FASN: variants seen among roughly 807,000 people sequenced by gnomAD.
FASN encodes the protein 3-hydroxyacyl-[acyl-carrier-protein] dehydratase.
FASN carries 50 observed loss-of-function variants against 250.0 expected under a neutral mutation model. The observed-to-expected ratio is 0.20, with a 90% confidence interval of 0.16 to 0.25. FASN has a LOEUF of 0.25. FASN is among the 10% of genes least tolerant of loss of function. The probability of loss-of-function intolerance (pLI) is 1.00; values close to 1 mark genes in which losing one functional copy is unlikely to be tolerated. For missense variants in FASN, 3,031 were observed against 3,498.5 expected, an observed-to-expected ratio of 0.87 and a Z score of 3.37; for synonymous variants, 1,909 against 1,584.0, an observed-to-expected ratio of 1.21 and a Z score of -4.87.
intron 11 of FASN, 65 bp downstream of exon 11, chr17:82,090,310 G>T: frequency 2.0e-6 from 3 of 1,477,100 alleles, no homozygotes; most frequent in Middle Eastern, 4.7e-4. Context: ...CTGCAGGTGA[G>T]GACCCCACAG....
chr17:82,080,383 A>G lies in FASN; in HGVS notation c.7034T>C (p.Leu2345Pro). ...CCTGGCTCTCACCTGGGTGTAGGCCAGTACGTAGGTGGGCGAGCCGTCGAA... is the reference window on the plus strand; with the variant it reads ...CCTGGCTCTCACCTGGGTGTAGGCCGGTACGTAGGTGGGCGAGCCGTCGAA... ...FLFDGSPTYV[L>P]AYTQSYRAKL... Residue 2345 changes from leucine (L) to proline (P), a missense_variant, in exon 40 of 43, where the codon CTG becomes CCG. Physicochemically the swap from Leu to Pro is moderately conservative, Grantham distance 98 (BLOSUM62 -3). Transcript: ENST00000306749. The G allele has an allele frequency of 3.1e-6, 5 of 1,603,980 alleles. No individual in the cohort carries two copies. Among genetic ancestry groups the G allele is most frequent in the Non-Finnish European group, 4.3e-6 (5 of 1,175,920 alleles).
chr17:82,093,570 C>A, intron 4 of FASN, 28 bp downstream of exon 4: 2 of 1,612,636 alleles, frequency 1.2e-6, no homozygotes, highest in Non-Finnish European at 1.7e-6. Flanking sequence ...AGGCCACCCA[C>A]CTCCGCAGGA....
rs537040289 is a variant in FASN, at chr17:82,080,562, C to T, written c.6855G>A (p.Leu2285=). Residue 2285 remains leucine, a synonymous_variant, in exon 40 of 43, where the codon CTG becomes CTA. Transcript: ENST00000306749. ...TGATGCAGTCGATGTAGTAGGCAGC[C>T]AGGCTGTGGATGCTGTCAAGGGGCG... ...RAAPLDSIHS[L]AAYYIDCIRQ... The T allele has an allele frequency of 6.5e-5, 102 of 1,559,130 alleles. No individual in the cohort carries two copies. The South Asian group carries it at 1.1e-3, about 16-fold the overall frequency.
chr17:82,091,158 C>G, intron 9 of FASN, 64 bp downstream of exon 9: 1 of 1,601,472 alleles, frequency 6.2e-7, no homozygotes, highest in Non-Finnish European at 8.5e-7. Context: ...AGGGGACCAC[C>G]AGCTCCAGTT....
Position 82,084,631 on chromosome 17 carries a change from C to A in FASN, c.4650G>T (p.Ser1550=), listed in dbSNP as rs779703690. The A allele has an allele frequency of 1.5e-5, 24 of 1,603,012 alleles. No individual in the cohort carries two copies. The highest frequency in any genetic ancestry group is 1.9e-5 in the Non-Finnish European group (22 of 1,175,638). The change falls in exon 27 of 43, where the codon TCG becomes TCT. Residue 1550 remains serine (S), a synonymous_variant. Coordinates refer to ENST00000306749, the MANE Select transcript of FASN (RefSeq NM_004104.5). ...DLSSIRWVCS[S]LRHAQPTCPG... ...GGCAGGTGGGCTGGGCATGGCGCAGCGAGGAGCAGACCCAGCGGATGGAGG... is the reference window on the plus strand; with the variant it reads ...GGCAGGTGGGCTGGGCATGGCGCAGAGAGGAGCAGACCCAGCGGATGGAGG...
At chr17:82,086,153 G>A (rs956874398) in intron 22 of FASN, 101 bp downstream of exon 22, 48 of 1,521,188 alleles carry the variant, frequency 3.2e-5, no homozygotes, top group Admixed American at 5.9e-5. Context: ...CCCACCCACC[G>A]CCCAGGGCCC....
At chr17:82,095,781 C>G (rs1246944376) in intron 2 of FASN, among the ~76,000 whole-genome samples, 1 of 152,214 alleles carries the variant, frequency 6.6e-6, no homozygotes, top group African/African-American at 2.4e-5. Context: ...TCGGCTCTAC[C>G]ATGCTGACTC....
chr17:82,083,688 A>AGAGGG, intron 30 of FASN, 49 bp from the exon 31 acceptor site: 1 of 1,604,594 alleles, frequency 6.2e-7, no homozygotes, highest in Middle Eastern at 1.7e-4. Context: ...AAGCCCAGCC[A>AGAGGG]CCACAGTCCA....
Position 82,082,926 on chromosome 17 carries a change from C to T in FASN, c.5755G>A (p.Gly1919Arg), listed in dbSNP as rs748930040. The change falls in exon 33 of 43, where the codon GGG becomes AGG. Residue 1919 changes from glycine (G) to arginine (R), a missense_variant. Physicochemically the swap from Gly to Arg is moderately radical, Grantham distance 125 (BLOSUM62 -2). Transcript: ENST00000306749. ...VQKLVLTSRS[G>R]IRTGYQAKQV... is the part of the protein sequence containing the mutation. ...CCTGCCGACTCACCTGTCCGGATCC[C>T]GGAGCGAGAAGTCAACACGAGCTTC... The T allele has an allele frequency of 2.0e-5, 32 of 1,612,614 alleles. 1 individual carries two copies. The highest frequency in any genetic ancestry group is 6.7e-5 in the African/African-American group (5 of 74,920).
At chr17:82,096,568 G>T in intron 1 of FASN, 116 bp from the exon 2 acceptor site, 1 of 1,496,238 alleles carries the variant, frequency 6.7e-7, no homozygotes, top group Non-Finnish European at 9.2e-7. Flanking sequence ...CTGAGGGTCC[G>T]TGCGGGCCCT....
rs777893193 is a variant in FASN, at chr17:82,083,199, C to T, written c.5565+3G>A. The T allele has an allele frequency of 1.2e-6, 2 of 1,612,496 alleles. No individual in the cohort carries two copies. The highest frequency in any genetic ancestry group is 1.7e-6 in the Non-Finnish European group (2 of 1,179,950). The stretch of plus-strand genomic sequence containing the variant: ...CCCGAGGCGCCGGGACTCCTCCCCT[C>T]ACCTGCACGACGACTTTGCCAATGT... On this transcript the variant is annotated splice_donor_region_variant and intron_variant, in intron 32 of 42. Coordinates refer to ENST00000306749, the MANE Select transcript of FASN (RefSeq NM_004104.5).
intron 33 of FASN, 64 bp downstream of exon 33, chr17:82,082,850 A>C: frequency 6.3e-7 from 1 of 1,589,466 alleles, no homozygotes; most frequent in Non-Finnish European, 8.6e-7. Flanking sequence ...GCTGCAGAGA[A>C]GGGCTCAGGG....
In FASN at chr17:82,084,627, G is replaced by A. The variant is rs762427627; in HGVS notation, c.4654C>T (p.Arg1552Cys). 22 of 1,602,838 alleles carry A rather than the reference G, an allele frequency of 1.4e-5. No individual in the cohort carries two copies. Among genetic ancestry groups the A allele is most frequent in the Middle Eastern group, 1.7e-4 (1 of 6,048 alleles). The change falls in exon 27 of 43, where the codon CGC becomes TGC. Residue 1552 changes from arginine to cysteine, a missense_variant. Arg to Cys is a radical substitution (Grantham distance 180). Transcript: ENST00000306749. ...SSIRWVCSSL[R>C]HAQPTCPGAQ... ...CCAGGGCAGGTGGGCTGGGCATGGC[G>A]CAGCGAGGAGCAGACCCAGCGGATG... is the stretch of plus-strand genomic sequence containing the variant.
intron 32 of FASN, 31 bp from the exon 33 acceptor site, chr17:82,083,146 C>T: frequency 6.2e-7 from 1 of 1,610,650 alleles, no homozygotes; most frequent in South Asian, 1.1e-5. Flanking sequence ...CCGGCTCAGG[C>T]ACTGCCTGGG....
At chr17:82,093,975 C>A (rs940454110) in intron 3 of FASN, 2 of 634,308 alleles carry the variant, frequency 3.2e-6, no homozygotes, top group Non-Finnish European at 2.8e-6. Flanking sequence ...TGGCCAGCAG[C>A]CAGCCCAGGT....
At position 82,087,798 on chromosome 17, in the gene FASN, G is replaced by A. The variant is rs370507537; in HGVS notation, c.2930C>T (p.Pro977Leu). Residue 977 changes from proline (P) to leucine (L), a missense_variant, in exon 19 of 43, where the codon CCC becomes CTC. Physicochemically the swap from Pro to Leu is moderately conservative, Grantham distance 98. Transcript: ENST00000306749. ...CAGGAAGAGGGGCTCCGTGGGGTTG[G>A]GGGTGGGGCTTTCCGGGTGGTCGAA... ...RLFDHPESPT[P>L]NPTEPLFLAQ... 24 of 1,612,644 alleles carry A rather than the reference G, an allele frequency of 1.5e-5. No homozygotes were observed. The African/African-American group carries it at 1.9e-4, about 13-fold the overall frequency.
chr17:82,082,435 A>G (rs760249497), intron 34 of FASN, 21 bp from the exon 35 acceptor site: 5 of 1,611,640 alleles, frequency 3.1e-6, no homozygotes, highest in South Asian at 1.1e-5. Context: ...CATCCTCAGC[A>G]CTCCCTGCAG....
At chr17:82,091,164 C>T (rs1302251379) in intron 9 of FASN, 58 bp downstream of exon 9, 9 of 1,599,268 alleles carry the variant, frequency 5.6e-6, no homozygotes, top group Non-Finnish European at 7.6e-6. Context: ...CCACCAGCTC[C>T]AGTTCGCCTG....
chr17:82,083,723 GGGCCGGA>G, intron 30 of FASN, 42 bp downstream of exon 30: 1 of 1,609,082 alleles, frequency 6.2e-7, no homozygotes, highest in Non-Finnish European at 8.5e-7. Flanking sequence ...GCTTCTCCCT[GGGCCGGA>G]GGCTAGGCAG....
Sources: gnomAD v4.1 joint callset for allele counts (sites outside exome capture counted in the v4.1 genomes callset) on GRCh38, gnomAD v4.1.1 for gene constraint, MANE v1.5 for transcripts, NCBI Gene and HGNC (gene_info 2026-07-23, HGNC 2026-07-21) for gene names.